Variants in CAAP1 observed in about 807,000 individuals in gnomAD.
CAAP1 encodes the protein conserved anti-apoptotic protein.
CAAP1 carries 20 observed loss-of-function variants against 34.0 expected under a neutral mutation model. The observed-to-expected ratio is 0.59, with a 90% CI of 0.41 to 0.86. CAAP1 has a LOEUF of 0.86. Ranked by LOEUF, CAAP1 falls within the 40% of genes least tolerant of loss-of-function variation. The probability of loss-of-function intolerance (pLI) is 0.00; values close to 1 mark genes in which losing one functional copy is unlikely to be tolerated. For synonymous variants in CAAP1, 213 were observed against 166.7 expected (o/e 1.28, Z -2.14); for missense variants, 538 against 450.5 (o/e 1.19, Z -1.76).
In CAAP1 at chr9:26,887,832, T is replaced by A. The variant is rs565524127; in HGVS notation, c.304-319A>T. ...ATTAGGATTTTCCCCTAAAAGGCCA[T>A]TCACCCAAAAGCTCTATGTATGCAT... On this transcript the variant is annotated intron_variant, in intron 1 of 5. Coordinates refer to ENST00000333916, the MANE Select transcript of CAAP1 (RefSeq NM_024828.4). Among the ~76,000 whole-genome samples, 6 of 152,292 alleles carry A rather than the reference T, an allele frequency of 3.9e-5. No homozygotes were observed. The East Asian group carries it at 1.2e-3, about 29-fold the overall frequency.
At chr9:26,870,956 G>C (rs1823261959) in intron 4 of CAAP1, among the ~76,000 whole-genome samples, 1 of 152,096 alleles carries the variant, frequency 6.6e-6, no homozygotes, top group Admixed American at 6.5e-5. Flanking sequence ...CCTTAGGTAT[G>C]TACTGCAGAT....
At chr9:26,855,535 G>A (rs1822850560) in intron 5 of CAAP1, among the ~76,000 whole-genome samples, 1 of 152,068 alleles carries the variant, frequency 6.6e-6, no homozygotes, top group South Asian at 2.1e-4. Flanking sequence ...TTGGTAAGCA[G>A]GTATATGGGA....
At chr9:26,885,000 G>T in intron 3 of CAAP1, 115 bp from the exon 4 acceptor site, 1 of 706,280 alleles carries the variant, frequency 1.4e-6, no homozygotes, top group Non-Finnish European at 2.3e-6. Flanking sequence ...ACTTTATACT[G>T]GGTCAAAACT....
In CAAP1 at chr9:26,864,726, A is replaced by G. The variant is rs189157163; in HGVS notation, c.666-3587T>C. On this transcript the variant is annotated intron_variant, in intron 4 of 5. Coordinates refer to ENST00000333916, the MANE Select transcript of CAAP1 (RefSeq NM_024828.4). Reference sequence around the variant, plus strand: ...AGTATCTCTTCTTTGCTCTATCCCCATATTACTGTTTTAATGTCCTTTCCA... The same window carrying G: ...AGTATCTCTTCTTTGCTCTATCCCCGTATTACTGTTTTAATGTCCTTTCCA... Among the ~76,000 whole-genome samples the G allele has an allele frequency of 2.5e-3, 376 of 152,290 alleles. 2 individuals carry two copies. Among genetic ancestry groups the G allele is most frequent in the African/African-American group, 8.8e-3 (364 of 41,560 alleles).
chr9:26,892,351 A>T, intron 1 of CAAP1, 62 bp downstream of exon 1: 7 of 1,583,386 alleles, frequency 4.4e-6, no homozygotes, highest in Non-Finnish European at 6.0e-6. Context: ...ATCCCTCTGG[A>T]AGCCCGACTT....
At chr9:26,885,292 G>T (rs553507893) in intron 3 of CAAP1, among the ~76,000 whole-genome samples, 1 of 151,662 alleles carries the variant, frequency 6.6e-6, no homozygotes, top group Non-Finnish European at 1.5e-5. Flanking sequence ...GGCCAAGCTG[G>T]TCTCGAACTC....
intron 4 of CAAP1, among the ~76,000 whole-genome samples, chr9:26,865,440 C>T (rs1266837863): frequency 6.6e-6 from 1 of 151,728 alleles, no homozygotes; most frequent in African/African-American, 2.4e-5. Flanking sequence ...AGTAGAATCA[C>T]TGGAACCCGG....
chr9:26,883,753 A>G (rs1798817414), intron 4 of CAAP1, among the ~76,000 whole-genome samples: 1 of 152,248 alleles, frequency 6.6e-6, no homozygotes, highest in Admixed American at 6.5e-5. Flanking sequence ...AAAGTGATTA[A>G]TTTAGATAAT....
chr9:26,873,210 C>G (rs1021554803), intron 4 of CAAP1, among the ~76,000 whole-genome samples: 3 of 152,162 alleles, frequency 2.0e-5, no homozygotes, highest in African/African-American at 7.2e-5. Flanking sequence ...CCAATGCACT[C>G]CAGCCAGGGT....
rs1386757995 is a variant in CAAP1, at chr9:26,842,276, T to G, written c.*25A>C. ...TGATGTGGCTTTGTTCAAACATACC[T>G]AAAATTCAAAATCAAGTTAAATACC... is the stretch of plus-strand genomic sequence containing the variant. On this transcript the variant is annotated 3_prime_UTR_variant, in exon 6 of 6. Transcript: ENST00000333916. 13 of 1,514,138 alleles carry G rather than the reference T, an allele frequency of 8.6e-6. No homozygotes were observed. The highest frequency in any genetic ancestry group is 1.2e-5 in the Non-Finnish European group (13 of 1,129,844). 93.8% of individuals were successfully genotyped at this position (1,514,138 alleles called of 1,614,324 possible). A position where few individuals can be genotyped will look rare whatever the true frequency, so the allele number is the denominator to read the frequency against.
In CAAP1 at chr9:26,892,427, C is replaced by A. The variant is rs745984338; in HGVS notation, c.289G>T (p.Gly97Cys). The A allele has an allele frequency of 1.9e-6, 3 of 1,604,130 alleles. No individual in the cohort carries two copies. The highest frequency in any genetic ancestry group is 2.2e-5 in the East Asian group (1 of 44,554). Residue 97 changes from glycine (G) to cysteine (C), a missense_variant, in exon 1 of 6, where the codon GGC becomes TGC. This residue lies in a region of CAAP1 where 514 missense variants were observed against 408.4 expected (regional missense o/e 1.26). Transcript: ENST00000333916. ...CGCGCACGCACCTGCTGCAAGGAGC[C>A]CGAGACGCTGGAAGAGTCGGTACTC... ...RRSTDSSSVS[G>C]SLQQETKYIL...
chr9:26,864,606 C>G (rs892298594), intron 4 of CAAP1, among the ~76,000 whole-genome samples: 16 of 152,204 alleles, frequency 1.1e-4, no homozygotes, highest in African/African-American at 3.9e-4. Context: ...CTGTCCCCCA[C>G]CCTGCGACTC....
rs571884879 is a variant in CAAP1 at position 26,846,068 on chromosome 9, T to G, written c.740-3421A>C. 2.0e-5 allele frequency among the ~76,000 whole-genome samples: 3 copies of G among 152,230 alleles called. No individual in the cohort carries two copies. In the East Asian group the frequency reaches 5.8e-4, roughly 29 times the overall value. ...TTATTCAAAATGAATTTAATTTTAA[T>G]TGCCATGTTGTTTGTTCCACAGCCA... On this transcript the variant is annotated intron_variant, in intron 5 of 5. Coordinates refer to ENST00000333916, the MANE Select transcript of CAAP1 (RefSeq NM_024828.4).
At chr9:26,880,018 C>A (rs1321307117) in intron 4 of CAAP1, among the ~76,000 whole-genome samples, 2 of 150,646 alleles carry the variant, frequency 1.3e-5, no homozygotes, top group Non-Finnish European at 3.0e-5. Flanking sequence ...CTCTAGAGAA[C>A]CCCGACTAAT....
intron 5 of CAAP1, among the ~76,000 whole-genome samples, chr9:26,855,301 A>G (rs1052608524): frequency 6.6e-6 from 1 of 152,166 alleles, no homozygotes; most frequent in Non-Finnish European, 1.5e-5. Context: ...CTATAAAACG[A>G]TCAGTGGTTG....
chr9:26,855,316 G>A lies in CAAP1; in HGVS notation c.739+5750C>T, dbSNP rs137973243. Reference sequence around the variant, plus strand: ...CTATAAAACGATCAGTGGTTGTCAGGAGTTGGGGGGGAGAGAGTGGGCAGG... The same window carrying A: ...CTATAAAACGATCAGTGGTTGTCAGAAGTTGGGGGGGAGAGAGTGGGCAGG... On this transcript the variant is annotated intron_variant, in intron 5 of 5. Transcript: ENST00000333916. Among the ~76,000 whole-genome samples the A allele has an allele frequency of 2.4e-3, 368 of 152,322 alleles. 1 individual carries two copies. The highest frequency in any genetic ancestry group is 8.6e-3 in the African/African-American group (357 of 41,558).
At position 26,892,445 on chromosome 9, in the gene CAAP1, C is replaced by T. The variant is rs1415464613; in HGVS notation, c.271G>A (p.Asp91Asn). The T allele has an allele frequency of 8.1e-6, 13 of 1,595,444 alleles. No homozygotes were observed. Among genetic ancestry groups the T allele is most frequent in the Non-Finnish European group, 1.1e-5 (13 of 1,172,932 alleles). The change falls in exon 1 of 6, where the codon GAC becomes AAC. Residue 91 changes from aspartate to asparagine, a missense_variant. Coordinates refer to ENST00000333916, the MANE Select transcript of CAAP1 (RefSeq NM_024828.4). ...AAGGAGCCCGAGACGCTGGAAGAGTCGGTACTCCTCCGCTTCCGGCGCTCG... is the reference window on the plus strand; with the variant it reads ...AAGGAGCCCGAGACGCTGGAAGAGTTGGTACTCCTCCGCTTCCGGCGCTCG... The part of the protein sequence containing the change: ...RSERRKRRST[D>N]SSSVSGSLQQ...
At position 26,842,585 on chromosome 9, in the gene CAAP1, C is replaced by G; in HGVS notation, c.802G>C (p.Gly268Arg). 6.2e-7 allele frequency: 1 copy of G among 1,614,180 alleles called. No homozygotes were observed. The highest frequency in any genetic ancestry group is 1.1e-5 in the South Asian group (1 of 91,086). The part of the protein sequence containing the change: ...NADAYDSDIE[G>R]PCNEEAAAPE... The stretch of plus-strand genomic sequence containing the variant: ...GCAGCTGCTTCTTCGTTGCATGGGC[C>G]TTCTATGTCGCTGTCATAAGCATCT... Residue 268 changes from glycine (G) to arginine (R), a missense_variant, in exon 6 of 6, where the codon GGC (glycine) becomes CGC (arginine). Transcript: ENST00000333916.
At chr9:26,848,236 C>T (rs187897860) in intron 5 of CAAP1, among the ~76,000 whole-genome samples, 1 of 152,214 alleles carries the variant, frequency 6.6e-6, no homozygotes, top group East Asian at 1.9e-4. Flanking sequence ...TATATGTGGC[C>T]AGGCGTGGTG....
Sources: gnomAD v4.1 joint callset for allele counts (sites outside exome capture counted in the v4.1 genomes callset) on GRCh38, gnomAD v4.1.1 for gene constraint, gnomAD v4.1.1 regional missense constraint, MANE v1.5 for transcripts, NCBI Gene and HGNC (gene_info 2026-07-23, HGNC 2026-07-21) for gene names.